The following RALGAPB variants were observed in gnomAD, a reference collection of about 807,000 sequenced individuals.
The protein encoded by RALGAPB is ral GTPase-activating protein subunit beta.
In RALGAPB, 25 loss-of-function variants were observed where a neutral mutation model predicts 161.1. That is an observed-to-expected ratio of 0.16 (90% confidence interval 0.11 to 0.22). The LOEUF is 0.22. Ranked by LOEUF, RALGAPB falls within the 10% of genes least tolerant of loss-of-function variation. The pLI, the probability that RALGAPB is intolerant of heterozygous loss-of-function variation, is 1.00. For synonymous variants in RALGAPB, 629 were observed against 626.1 expected (o/e 1.00, Z -0.07); for missense variants, 1,391 against 1,815.2 (o/e 0.77, Z 4.25).
At position 38,488,714 on chromosome 20, in the gene RALGAPB, A is replaced by G; in HGVS notation, c.186+96A>G. 3.3e-6 allele frequency: 4 copies of G among 1,211,712 alleles called. No individual in the cohort carries two copies. In the South Asian group the frequency reaches 6.0e-5, roughly 18 times the overall value. The allele number at this position is 1,211,712 out of a possible 1,614,324, so 75.1% of individuals were successfully genotyped here. A position where few individuals can be genotyped will look rare whatever the true frequency, so the allele number is the denominator to read the frequency against. On this transcript the variant is annotated intron_variant, in intron 2 of 29. Transcript: ENST00000262879. ...AACTTTTTTGTTCTTTTTTCTTTGA[A>G]AAGAGCTGTAGTAGAATAACGTCAA...
chr20:38,498,292 T>G (rs1048936889), intron 4 of RALGAPB, among the ~76,000 whole-genome samples: 1 of 152,186 alleles, frequency 6.6e-6, no homozygotes, highest in East Asian at 1.9e-4. Flanking sequence ...TATAAGACTT[T>G]ACAGTGTATT....
At position 38,531,159 on chromosome 20, in the gene RALGAPB, T is replaced by C; in HGVS notation, c.2051-8T>C. 3 of 1,598,126 alleles carry C rather than the reference T, an allele frequency of 1.9e-6. No homozygotes were observed. Among genetic ancestry groups the C allele is most frequent in the South Asian group, 1.1e-5 (1 of 90,162 alleles). ...TTTATATAAAATACTGTTTTATTGT[T>C]GTTGTAGGGGCAATGTTAAATATTG... is the stretch of plus-strand genomic sequence containing the variant. On this transcript the variant is annotated splice_polypyrimidine_tract_variant and splice_region_variant and intron_variant, in intron 13 of 29. Coordinates refer to ENST00000262879, the MANE Select transcript of RALGAPB (RefSeq NM_020336.4).
chr20:38,540,348 C>T (rs2086929186), intron 17 of RALGAPB, among the ~76,000 whole-genome samples: 1 of 152,182 alleles, frequency 6.6e-6, no homozygotes. Context: ...AAGGTTGCTT[C>T]TATCGAAAAA....
At position 38,498,083 on chromosome 20, in the gene RALGAPB, AAAG is replaced by A. The variant is rs1401214578; in HGVS notation, c.553+570_553+572del. ...AGACTCTGTCTCAAAAAAAAAAAAAAAAGAAAAGAAACAATTAACCAATTAAAT... is the reference window on the plus strand; with the variant it reads ...AGACTCTGTCTCAAAAAAAAAAAAAAAAAAGAAACAATTAACCAATTAAAT... On this transcript the variant is annotated intron_variant, in intron 4 of 29. Coordinates refer to ENST00000262879, the MANE Select transcript of RALGAPB (RefSeq NM_020336.4). Among the ~76,000 whole-genome samples the A allele has an allele frequency of 1.0e-2, 1,409 of 141,202 alleles. 14 individuals carry two copies. Among genetic ancestry groups the A allele is most frequent in the African/African-American group, 0.033 (1,341 of 40,842 alleles). 92.6% of individuals were successfully genotyped at this position (141,202 alleles called of 152,430 possible).
chr20:38,569,799 T>G, intron 26 of RALGAPB, 89 bp from the exon 27 acceptor site: 1 of 954,824 alleles, frequency 1.0e-6, no homozygotes, highest in Non-Finnish European at 1.7e-6. Flanking sequence ...ACTGAGCACC[T>G]TGACAAATGA....
intron 10 of RALGAPB, among the ~76,000 whole-genome samples, chr20:38,523,204 C>G (rs752078356): frequency 9.9e-5 from 15 of 151,968 alleles, no homozygotes; most frequent in Non-Finnish European, 2.1e-4. Context: ...AGGTGACCAT[C>G]AGGACCAATT....
At chr20:38,491,620 C>T (rs1283144040) in intron 2 of RALGAPB, among the ~76,000 whole-genome samples, 1 of 152,166 alleles carries the variant, frequency 6.6e-6, no homozygotes, top group African/African-American at 2.4e-5. Context: ...AGTTGGAAGA[C>T]CAGGGTTCAA....
chr20:38,574,770 C>T lies in RALGAPB; in HGVS notation c.4292-4C>T. 6.2e-7 allele frequency: 1 copy of T among 1,611,844 alleles called. No homozygotes were observed. ...CGTTTATTTTAAAACTCTCTATTTT[C>T]AAGGCTTTCTGGTGAGGCAGACTGT... On this transcript the variant is annotated splice_polypyrimidine_tract_variant and splice_region_variant and intron_variant, in intron 29 of 29. Transcript: ENST00000262879.
intron 2 of RALGAPB, among the ~76,000 whole-genome samples, chr20:38,492,042 A>G (rs1483659236): frequency 1.3e-5 from 2 of 152,362 alleles, no homozygotes; most frequent in African/African-American, 4.8e-5. Flanking sequence ...AGATGGAGAC[A>G]TATAGCTCAG....
chr20:38,572,751 CA>C (rs2088286616), intron 28 of RALGAPB, among the ~76,000 whole-genome samples: 1 of 152,176 alleles, frequency 6.6e-6, no homozygotes, highest in Non-Finnish European at 1.5e-5. Flanking sequence ...CCAAATACAT[CA>C]GTATGCATCT....
intron 23 of RALGAPB, among the ~76,000 whole-genome samples, chr20:38,560,716 C>T (rs779845600): frequency 6.6e-6 from 1 of 152,094 alleles, no homozygotes; most frequent in African/African-American, 2.4e-5. Flanking sequence ...AGTTCAGTTT[C>T]CTTAGCTTTT....
intron 10 of RALGAPB, among the ~76,000 whole-genome samples, chr20:38,522,583 G>A (rs768890875): frequency 2.6e-5 from 4 of 152,166 alleles, no homozygotes; most frequent in Non-Finnish European, 5.9e-5. Context: ...AAGTGCAGAA[G>A]TGAGGTTAAT....
intron 1 of RALGAPB, among the ~76,000 whole-genome samples, chr20:38,475,843 C>T (rs1372694333): frequency 6.6e-6 from 1 of 152,154 alleles, no homozygotes; most frequent in African/African-American, 2.4e-5. Context: ...TGTCGAACTG[C>T]TGACCTTAAG....
intron 18 of RALGAPB, among the ~76,000 whole-genome samples, chr20:38,541,923 C>T (rs1443577008): frequency 6.6e-6 from 1 of 152,088 alleles, no homozygotes; most frequent in Non-Finnish European, 1.5e-5. Flanking sequence ...AAAAAGGCAC[C>T]ACGACTGCTG....
At chr20:38,494,065 A>G (rs1276086995) in intron 3 of RALGAPB, among the ~76,000 whole-genome samples, 1 of 152,152 alleles carries the variant, frequency 6.6e-6, no homozygotes, top group East Asian at 1.9e-4. Flanking sequence ...GAGAAGTCCT[A>G]CCTAACCACT....
chr20:38,491,335 T>G (rs2085273331), intron 2 of RALGAPB, among the ~76,000 whole-genome samples: 1 of 135,828 alleles, frequency 7.4e-6, no homozygotes, highest in African/African-American at 2.5e-5. Flanking sequence ...CTGTTTTTCT[T>G]TTTTTTTTTC....
At chr20:38,532,974 AAT>A (rs2086702057) in intron 15 of RALGAPB, 115 bp downstream of exon 15, 2 of 1,171,436 alleles carry the variant, frequency 1.7e-6, no homozygotes, top group Non-Finnish European at 2.3e-6. Context: ...ACTTAAGTAT[AAT>A]AGAGAGGATG....
chr20:38,558,370 G>T lies in RALGAPB; in HGVS notation c.3448G>T (p.Gly1150Trp), dbSNP rs2087665468. The change falls in exon 23 of 30, where the codon GGG (glycine) becomes TGG (tryptophan). Residue 1150 changes from glycine (G) to tryptophan (W), a missense_variant. Physicochemically the swap from Gly to Trp is radical, Grantham distance 184. This residue lies in a region of RALGAPB where 436 missense variants were observed against 527.0 expected (regional missense o/e 0.83). Coordinates refer to ENST00000262879, the MANE Select transcript of RALGAPB (RefSeq NM_020336.4). ...GATACCTGGATTTTTTGATGACATT[G>T]GGTATCTGGATCTCTTGCCATGTCG... ...STIPGFFDDI[G>W]YLDLLPCRPF... is the part of the protein sequence containing the mutation. 1 of 1,608,250 alleles carries T rather than the reference G, an allele frequency of 6.2e-7. No homozygotes were observed.
At chr20:38,473,422 C>T (rs1168935589) in intron 1 of RALGAPB, among the ~76,000 whole-genome samples, 1 of 152,190 alleles carries the variant, frequency 6.6e-6, no homozygotes, top group African/African-American at 2.4e-5. Flanking sequence ...AAGTTGCTGC[C>T]GCCCAGTGGG....
Sources: allele counts gnomAD v4.1 joint callset (sites outside exome capture counted in the v4.1 genomes callset), GRCh38; gene constraint gnomAD v4.1.1; regional missense constraint gnomAD v4.1.1; transcripts MANE v1.5; gene names NCBI Gene and HGNC (gene_info 2026-07-23, HGNC 2026-07-21).